The following KIAA1217 variants were observed in gnomAD, a reference collection of about 807,000 sequenced individuals.
The protein encoded by KIAA1217 is KIAA1217.
A neutral mutation model predicts 163.9 loss-of-function variants in KIAA1217; 88 were observed. That is an observed-to-expected ratio of 0.54 (90% CI 0.45 to 0.64). The LOEUF is 0.64. Among genes scored for constraint, KIAA1217 ranks in the 30% least tolerant of loss-of-function variants. The pLI is 0.00. For synonymous variants in KIAA1217, 903 were observed against 923.1 expected (o/e 0.98, Z 0.39); for missense variants, 2,372 against 2,475.0 (o/e 0.96, Z 0.88).
intron 1 of KIAA1217, among the ~76,000 whole-genome samples, chr10:23,955,422 A>C (rs577274024): frequency 6.6e-6 from 1 of 152,336 alleles, no homozygotes; most frequent in South Asian, 2.1e-4. Context: ...GGAACCATGG[A>C]GCATTGACCC....
At chr10:24,283,469 ACAGC>A (rs1280169711) in intron 2 of KIAA1217, among the ~76,000 whole-genome samples, 1 of 152,108 alleles carries the variant, frequency 6.6e-6, no homozygotes, top group African/African-American at 2.4e-5. Flanking sequence ...GAGTTCAGGA[ACAGC>A]CTGGTCAACA....
At chr10:24,348,576 A>C (rs1047680554) in intron 2 of KIAA1217, among the ~76,000 whole-genome samples, 9 of 152,202 alleles carry the variant, frequency 5.9e-5, no homozygotes, top group African/African-American at 1.9e-4. Context: ...ATTTACCTAA[A>C]GATACAGGGA....
rs1324028756 is a variant in KIAA1217, at chr10:24,543,901, A to G, written c.4631A>G (p.Asn1544Ser). Residue 1544 changes from asparagine (N) to serine (S), a missense_variant, in exon 19 of 21, where the codon AAC becomes AGC. Transcript: ENST00000376454. The part of the protein sequence containing the change: ...GGQEMNRTEL[N>S]KFSHVDSPNS... ...CAGGAAATGAACAGAACGGAGCTGA[A>G]CAAGTTCAGCCACGTGGATTCTCCA... 3.1e-6 allele frequency: 5 copies of G among 1,613,974 alleles called. No homozygotes were observed. Among genetic ancestry groups the G allele is most frequent in the African/African-American group, 1.3e-5 (1 of 74,916 alleles).
At chr10:24,009,688 G>T (rs1847159418) in intron 2 of KIAA1217, among the ~76,000 whole-genome samples, 1 of 152,128 alleles carries the variant, frequency 6.6e-6, no homozygotes, top group Non-Finnish European at 1.5e-5. Flanking sequence ...CTTAGCTCAA[G>T]GTCACACAGT....
intron 2 of KIAA1217, among the ~76,000 whole-genome samples, chr10:24,052,382 T>C (rs1849578317): frequency 6.6e-6 from 1 of 152,162 alleles, no homozygotes. Context: ...GAGTGGAAAC[T>C]AACAAGCTCT....
chr10:23,717,814 A>G (rs1326520036), intron 1 of KIAA1217, among the ~76,000 whole-genome samples: 1 of 152,174 alleles, frequency 6.6e-6, no homozygotes, highest in African/African-American at 2.4e-5. Context: ...TATCAGTGAC[A>G]TCATTAACTT....
At chr10:24,432,285 T>A (rs2059664609) in intron 3 of KIAA1217, among the ~76,000 whole-genome samples, 2 of 151,132 alleles carry the variant, frequency 1.3e-5, no homozygotes, top group South Asian at 4.2e-4. Flanking sequence ...ACCCAGCTAA[T>A]TTTTGTATTT....
chr10:23,836,958 T>C (rs1025282388), intron 1 of KIAA1217, among the ~76,000 whole-genome samples: 4 of 151,306 alleles, frequency 2.6e-5, no homozygotes, highest in Non-Finnish European at 5.9e-5. Context: ...AGGGAGGGAA[T>C]GAATAAGGTA....
intron 2 of KIAA1217, among the ~76,000 whole-genome samples, chr10:24,063,124 G>C (rs2060797328): frequency 6.6e-6 from 1 of 152,034 alleles, no homozygotes; most frequent in African/African-American, 2.4e-5. Flanking sequence ...CTTTTGCTGT[G>C]CAGAAGCTCT....
chr10:23,892,498 T>A (rs1841457475), intron 1 of KIAA1217, among the ~76,000 whole-genome samples: 1 of 151,948 alleles, frequency 6.6e-6, no homozygotes, highest in African/African-American at 2.4e-5. Flanking sequence ...ATATGTTCAA[T>A]GTCTGCTTGC....
chr10:24,297,397 T>C (rs2040755925), intron 2 of KIAA1217, among the ~76,000 whole-genome samples: 1 of 152,182 alleles, frequency 6.6e-6, no homozygotes, highest in Non-Finnish European at 1.5e-5. Context: ...ACATGCCCCT[T>C]GATGGACAGA....
intron 1 of KIAA1217, among the ~76,000 whole-genome samples, chr10:23,742,576 G>A (rs916989165): frequency 3.9e-5 from 6 of 152,190 alleles, no homozygotes; most frequent in African/African-American, 1.2e-4. Context: ...GAGAGAAAGA[G>A]TGGAGGGGGA....
chr10:23,991,928 G>A (rs1257637676), intron 1 of KIAA1217, among the ~76,000 whole-genome samples: 1 of 152,130 alleles, frequency 6.6e-6, no homozygotes, highest in Non-Finnish European at 1.5e-5. Context: ...ATTAAATATA[G>A]CAAGGCTGCT....
intron 1 of KIAA1217, among the ~76,000 whole-genome samples, chr10:23,750,478 G>A (rs1367537538): frequency 6.6e-6 from 1 of 151,988 alleles, no homozygotes; most frequent in East Asian, 1.9e-4. Context: ...TTCACAGTTT[G>A]GCTTTTGTGA....
At chr10:24,044,167 A>G (rs539904132) in intron 2 of KIAA1217, among the ~76,000 whole-genome samples, 1 of 152,294 alleles carries the variant, frequency 6.6e-6, no homozygotes, top group South Asian at 2.1e-4. Flanking sequence ...TATTTTTTAA[A>G]TCCAACACAT....
At chr10:23,771,692 C>T (rs746454518) in intron 1 of KIAA1217, among the ~76,000 whole-genome samples, 4 of 152,194 alleles carry the variant, frequency 2.6e-5, no homozygotes, top group African/African-American at 9.7e-5. Context: ...ACACTTCCAC[C>T]ATTACCTCAG....
intron 2 of KIAA1217, among the ~76,000 whole-genome samples, chr10:24,136,545 C>T (rs562472991): frequency 7.2e-5 from 11 of 152,200 alleles, no homozygotes; most frequent in South Asian, 2.1e-4. Flanking sequence ...CACCGGAACG[C>T]GGTCAAATGA....
In KIAA1217 at chr10:24,547,668, C is replaced by A. The variant is rs558933313; in HGVS notation, c.*1344C>A. On this transcript the variant is annotated 3_prime_UTR_variant, in exon 21 of 21. Coordinates refer to ENST00000376454, the MANE Select transcript of KIAA1217 (RefSeq NM_019590.5). ...TAATAAATTAATTGCAAGTGTGGTG[C>A]CTTGGATGTGGCCTGTTGGCTCGCT... 6.6e-6 allele frequency: 1 copy of A among 152,146 alleles called. No homozygotes were observed. The highest frequency in any genetic ancestry group is 2.4e-5 in the African/African-American group (1 of 41,500). The allele number at this position is 152,146 out of a possible 1,614,324, so 9.4% of individuals were successfully genotyped here. A position where few individuals can be genotyped will look rare whatever the true frequency, so the allele number is the denominator to read the frequency against.
chr10:24,271,277 A>G (rs191230536), intron 2 of KIAA1217, among the ~76,000 whole-genome samples: 1 of 152,322 alleles, frequency 6.6e-6, no homozygotes, highest in African/African-American at 2.4e-5. Context: ...ACTCAGTAAC[A>G]TTGAACTTAG....
Sources: allele counts gnomAD v4.1 joint callset (sites outside exome capture counted in the v4.1 genomes callset), GRCh38; gene constraint gnomAD v4.1.1; transcripts MANE v1.5; gene names NCBI Gene and HGNC (gene_info 2026-07-23, HGNC 2026-07-21).